PTPRN2: variants seen among roughly 807,000 people sequenced by gnomAD.
The protein encoded by PTPRN2 is protein tyrosine phosphatase receptor type N2.
Under a neutral mutation model 118.8 loss-of-function variants are expected in PTPRN2, and 74 were observed. That is an observed-to-expected ratio of 0.62 (90% CI 0.52 to 0.76). The LOEUF is 0.76. PTPRN2 is among the 30% of genes least tolerant of loss of function. The pLI is 0.00. For missense variants in PTPRN2, 1,481 were observed against 1,394.4 expected, an observed-to-expected ratio of 1.06 and a Z score of -0.99; for synonymous variants, 641 against 608.0, an observed-to-expected ratio of 1.05 and a Z score of -0.80.
chr7:157,668,414 G>A (rs1796245777), intron 13 of PTPRN2, among the ~76,000 whole-genome samples: 1 of 152,246 alleles, frequency 6.6e-6, no homozygotes, highest in South Asian at 2.1e-4. Flanking sequence ...ACTGAATGAA[G>A]CCGTGTTGCC....
chr7:157,943,702 C>A (rs536677885), intron 11 of PTPRN2, among the ~76,000 whole-genome samples: 3 of 151,900 alleles, frequency 2.0e-5, no homozygotes, highest in African/African-American at 7.3e-5. Context: ...CTCCCAGAGG[C>A]CAAGCGCTCC....
intron 12 of PTPRN2, among the ~76,000 whole-genome samples, chr7:157,876,946 C>T (rs1003470762): frequency 6.6e-6 from 1 of 152,208 alleles, no homozygotes; most frequent in Non-Finnish European, 1.5e-5. Context: ...CCCTGGACGG[C>T]CTCGCTAGCC....
At chr7:158,388,985 A>G (rs890794960) in intron 2 of PTPRN2, among the ~76,000 whole-genome samples, 2 of 152,244 alleles carry the variant, frequency 1.3e-5, no homozygotes, top group African/African-American at 4.8e-5. Flanking sequence ...CTAAGGGCTA[A>G]GCTCGGACTG....
chr7:157,810,332 G>T (rs563873068), intron 12 of PTPRN2, among the ~76,000 whole-genome samples: 8 of 152,366 alleles, frequency 5.3e-5, no homozygotes, highest in South Asian at 2.1e-4. Flanking sequence ...TGGCACTGGG[G>T]GCTCTGCAAC....
chr7:158,263,157 G>T (rs1486410486), intron 3 of PTPRN2, among the ~76,000 whole-genome samples: 3 of 126,888 alleles, frequency 2.4e-5, no homozygotes, highest in East Asian at 2.4e-4. Context: ...ACTGCACACA[G>T]TCACACATTC....
In PTPRN2 at chr7:158,071,597, C is replaced by CGTG. The variant is rs1563392281; in HGVS notation, c.1723+9700_1723+9701insCAC. ...TGGAGGTGCTCCTGGTGGAGGTGCT[C>CGTG]CTGGTGGAGGTGCTCGTGGTGGAGG... On this transcript the variant is annotated intron_variant, in intron 11 of 22. Coordinates refer to ENST00000389418, the MANE Select transcript of PTPRN2 (RefSeq NM_002847.5). 2.6e-3 allele frequency among the ~76,000 whole-genome samples: 59 copies of CGTG among 22,976 alleles called. 4 individuals carry two copies. The highest frequency in any genetic ancestry group is 5.2e-3 in the African/African-American group (25 of 4,840). 15.1% of individuals were successfully genotyped at this position (22,976 alleles called of 152,430 possible). A position where few individuals can be genotyped will look rare whatever the true frequency, so the allele number is the denominator to read the frequency against.
chr7:158,137,114 G>A (rs747082290), intron 7 of PTPRN2, among the ~76,000 whole-genome samples: 9 of 152,010 alleles, frequency 5.9e-5, no homozygotes, highest in South Asian at 4.1e-4. Flanking sequence ...TGTGGTCAGC[G>A]TTTCTCTCTA....
rs142079628 is a variant in PTPRN2 at position 158,051,293 on chromosome 7, G to A, written c.1723+30005C>T. On this transcript the variant is annotated intron_variant, in intron 11 of 22. Transcript: ENST00000389418. ...AGAGAGAGGAAACTGCCTGATCTCC[G>A]TTCCAGATGTAACCCAGTTCTTAGG... is the stretch of plus-strand genomic sequence containing the variant. 3.9e-5 allele frequency among the ~76,000 whole-genome samples: 6 copies of A among 152,328 alleles called. No individual in the cohort carries two copies. The East Asian group carries it at 9.6e-4, about 24-fold the overall frequency.
chr7:157,771,570 G>A (rs1339116459), intron 12 of PTPRN2, among the ~76,000 whole-genome samples: 1 of 152,208 alleles, frequency 6.6e-6, no homozygotes, highest in Non-Finnish European at 1.5e-5. Flanking sequence ...CCCTCAGGGA[G>A]CTTACAACTG....
intron 12 of PTPRN2, among the ~76,000 whole-genome samples, chr7:157,810,117 C>T (rs2151114043): frequency 6.6e-6 from 1 of 152,368 alleles, no homozygotes; most frequent in Middle Eastern, 3.4e-3. Context: ...TGGCCCACAA[C>T]ACCCTGAGCT....
At chr7:157,919,635 G>C (rs1798593229) in intron 11 of PTPRN2, among the ~76,000 whole-genome samples, 1 of 152,068 alleles carries the variant, frequency 6.6e-6, no homozygotes, top group African/African-American at 2.4e-5. Context: ...AACTCTTAGA[G>C]GTAATCAAGA....
At chr7:158,288,752 C>G (rs926979926) in intron 3 of PTPRN2, among the ~76,000 whole-genome samples, 8 of 152,166 alleles carry the variant, frequency 5.3e-5, no homozygotes, top group Non-Finnish European at 8.8e-5. Flanking sequence ...TGACTGTATA[C>G]TTATTTTTAT....
chr7:158,151,743 T>C (rs991624701), intron 6 of PTPRN2, among the ~76,000 whole-genome samples: 7 of 152,142 alleles, frequency 4.6e-5, no homozygotes, highest in African/African-American at 1.7e-4. Flanking sequence ...CATTCTTTCC[T>C]TCCTTCCTGC....
intron 7 of PTPRN2, among the ~76,000 whole-genome samples, chr7:158,137,758 GA>G (rs1818961158): frequency 6.6e-6 from 1 of 152,210 alleles, no homozygotes; most frequent in Admixed American, 6.5e-5. Context: ...CATGTGTGGG[GA>G]GCTGAGCTAG....
chr7:157,551,768 T>C (rs867242698), intron 21 of PTPRN2, among the ~76,000 whole-genome samples: 2,026 of 14,054 alleles, frequency 0.14, 13 homozygotes, highest in African/African-American at 0.23. Flanking sequence ...ACAGCCACCA[T>C]GCACCCCACA....
Position 157,676,024 on chromosome 7 carries a change from A to T in PTPRN2, c.2001+6701T>A, listed in dbSNP as rs1186202067. ...TGCCTCTTCTGATCCTCTTGGGGTC[A>T]CTCAGCCACACCGAGCCATGGACCG... On this transcript the variant is annotated intron_variant, in intron 13 of 22. Transcript: ENST00000389418. The surrounding 1 kb of genome is among the most constrained non-coding windows in gnomAD (Gnocchi z 5.6). Among the ~76,000 whole-genome samples, 2 of 152,204 alleles carry T rather than the reference A, an allele frequency of 1.3e-5. No homozygotes were observed. Among genetic ancestry groups the T allele is most frequent in the East Asian group, 3.9e-4 (2 of 5,180 alleles).
At chr7:157,889,778 C>T (rs541186484) in intron 12 of PTPRN2, among the ~76,000 whole-genome samples, 18 of 152,226 alleles carry the variant, frequency 1.2e-4, no homozygotes, top group African/African-American at 3.9e-4. Context: ...CCGGAGGCTA[C>T]GCTTCCCAGC....
rs1449400125 is a variant in PTPRN2 at position 157,615,854 on chromosome 7, C to T, written c.2344+5508G>A. On this transcript the variant is annotated intron_variant, in intron 15 of 22. Transcript: ENST00000389418. This position sits in a 1 kb window ranked among gnomAD's most constrained non-coding sequence, Gnocchi z 4.3. ...GGGTGCGCGAGGCCCTGGGCTCCAC[C>T]GAAGACCTTAAGGAAAAGACTCTGG... is the stretch of plus-strand genomic sequence containing the variant. 1.4e-5 allele frequency: 5 copies of T among 352,052 alleles called. No individual in the cohort carries two copies. The highest frequency in any genetic ancestry group is 4.3e-5 in the African/African-American group (2 of 46,610). The allele number at this position is 352,052 out of a possible 1,614,324, so 21.8% of individuals were successfully genotyped here.
intron 2 of PTPRN2, among the ~76,000 whole-genome samples, chr7:158,406,626 C>A (rs1261682538): frequency 6.6e-6 from 1 of 152,246 alleles, no homozygotes; most frequent in East Asian, 1.9e-4. Flanking sequence ...GGACCTGAGT[C>A]CTGCTGCAGC....
Sources: allele counts gnomAD v4.1 joint callset (sites outside exome capture counted in the v4.1 genomes callset), GRCh38; gene constraint gnomAD v4.1.1; non-coding constraint Gnocchi (gnomAD v3.1); transcripts MANE v1.5; gene names NCBI Gene and HGNC (gene_info 2026-07-23, HGNC 2026-07-21).